The following DCUN1D4 variants were observed in gnomAD, a reference collection of about 807,000 sequenced individuals.
DCUN1D4 encodes the protein DCN1-like protein 4.
Under a neutral mutation model 47.9 loss-of-function variants are expected in DCUN1D4, and 22 were observed. The observed-to-expected ratio is 0.46, with a 90% CI of 0.33 to 0.66. DCUN1D4 has a LOEUF of 0.66. Among genes scored for constraint, DCUN1D4 ranks in the 30% least tolerant of loss-of-function variants. The pLI is 0.02. For missense variants in DCUN1D4, 301 were observed against 340.8 expected (o/e 0.88, Z 0.92); for synonymous variants, 121 against 112.2 (o/e 1.08, Z -0.50).
intron 1 of DCUN1D4, among the ~76,000 whole-genome samples, chr4:51,849,261 A>T (rs561319775): frequency 6.6e-6 from 1 of 152,084 alleles, no homozygotes; most frequent in Non-Finnish European, 1.5e-5. Context: ...TTCTGGGGGG[A>T]TGCACAGTGG....
At chr4:51,841,690 T>C (rs903450717), upstream of DCUN1D4, among the ~76,000 whole-genome samples, 17 of 152,202 alleles carry the variant, frequency 1.1e-4, no homozygotes, top group East Asian at 3.3e-3. Context: ...GGAGGGAGCA[T>C]TTTACCATGG....
chr4:51,872,912 A>G (rs1038161039), intron 3 of DCUN1D4, among the ~76,000 whole-genome samples: 1 of 152,232 alleles, frequency 6.6e-6, no homozygotes, highest in Non-Finnish European at 1.5e-5. Context: ...GCTCGGAACC[A>G]ATGTCTTTAT....
At chr4:51,835,190 G>A in the DCUN1D4 span, among the ~76,000 whole-genome samples, 1 of 152,224 alleles carries the variant, frequency 6.6e-6, no homozygotes, top group Non-Finnish European at 1.5e-5. Flanking sequence ...AGCACAGTGA[G>A]TAAAAATACC....
chr4:51,880,783 A>G lies in DCUN1D4; in HGVS notation c.343+2929A>G, dbSNP rs141772790. On this transcript the variant is annotated intron_variant, in intron 5 of 10. Transcript: ENST00000334635. ...AGGATCGGCTGGGAGGTTCAGGGGAAGTGTTTATTTAGACCTTGATCTGAA... is the reference window on the plus strand; with the variant it reads ...AGGATCGGCTGGGAGGTTCAGGGGAGGTGTTTATTTAGACCTTGATCTGAA... Among the ~76,000 whole-genome samples, 99 of 152,202 alleles carry G rather than the reference A, an allele frequency of 6.5e-4. No individual in the cohort carries two copies. The East Asian group carries it at 0.017, about 26-fold the overall frequency.
In DCUN1D4 at chr4:51,870,059, G is replaced by A. The variant is rs565448890; in HGVS notation, c.137-4212G>A. Reference sequence around the variant, plus strand: ...GGATTGATTTCCGATTCACTAAAACGTCAGCCTTAATATCTTGCTTCTACC... The same window carrying A: ...GGATTGATTTCCGATTCACTAAAACATCAGCCTTAATATCTTGCTTCTACC... On this transcript the variant is annotated intron_variant, in intron 3 of 10. Transcript: ENST00000334635. Among the ~76,000 whole-genome samples, 5 of 152,256 alleles carry A rather than the reference G, an allele frequency of 3.3e-5. No homozygotes were observed. The East Asian group carries it at 5.8e-4, about 18-fold the overall frequency.
chr4:51,852,273 G>A (rs1723488415), intron 1 of DCUN1D4, among the ~76,000 whole-genome samples: 1 of 152,160 alleles, frequency 6.6e-6, no homozygotes, highest in Non-Finnish European at 1.5e-5. Context: ...CTTAACTAAT[G>A]AAATAGTCAT....
chr4:51,834,082 C>CTTTTTTTTTTT, the DCUN1D4 span, among the ~76,000 whole-genome samples: 1 of 57,294 alleles, frequency 1.7e-5, no homozygotes, highest in Non-Finnish European at 3.0e-5. Context: ...CTCTCTCTCT[C>CTTTTTTTTTTT]TCTCTTTTCT....
intron 6 of DCUN1D4, chr4:51,886,872 G>A: frequency 6.1e-6 from 3 of 489,062 alleles, no homozygotes; most frequent in Admixed American, 3.3e-5. Context: ...GTATGTAAAA[G>A]GTACAGTAAG....
chr4:51,875,490 C>T (rs1727529322), intron 4 of DCUN1D4, among the ~76,000 whole-genome samples: 1 of 152,094 alleles, frequency 6.6e-6, no homozygotes, highest in African/African-American at 2.4e-5. Flanking sequence ...TCATTCTTGG[C>T]CTTTCTTTTT....
Position 51,894,798 on chromosome 4 carries a change from A to G in DCUN1D4, c.506+2947A>G, listed in dbSNP as rs561191095. Among the ~76,000 whole-genome samples the G allele has an allele frequency of 1.2e-4, 19 of 152,352 alleles. No individual in the cohort carries two copies. The South Asian group carries it at 1.5e-3, about 12-fold the overall frequency. On this transcript the variant is annotated intron_variant, in intron 7 of 10. Transcript: ENST00000334635. ...TCAAACTAGAATTAACAAGTATAGAACAAAATATTTTTATGTATTCATATA... is the reference window on the plus strand; with the variant it reads ...TCAAACTAGAATTAACAAGTATAGAGCAAAATATTTTTATGTATTCATATA...
At chr4:51,843,315 A>T (rs775021452) in intron 1 of DCUN1D4, 48 bp downstream of exon 1, 2 of 1,497,868 alleles carry the variant, frequency 1.3e-6, no homozygotes, top group Admixed American at 2.2e-5. Context: ...GCGGCTGCCA[A>T]ACTCGCCACT....
chr4:51,854,211 A>G (rs746747194), intron 1 of DCUN1D4, among the ~76,000 whole-genome samples: 3 of 152,236 alleles, frequency 2.0e-5, no homozygotes, highest in Non-Finnish European at 4.4e-5. Context: ...GCTAGTGACT[A>G]TCAGTTAGCA....
At chr4:51,860,649 C>T (rs534158214) in intron 1 of DCUN1D4, 21 of 454,860 alleles carry the variant, frequency 4.6e-5, no homozygotes, top group South Asian at 1.7e-4. Context: ...AAAGCAGGAG[C>T]GAGAGAGAGA....
intron 9 of DCUN1D4, 53 bp downstream of exon 9, chr4:51,911,227 A>G: frequency 2.7e-6 from 4 of 1,489,290 alleles, no homozygotes; most frequent in Non-Finnish European, 3.7e-6. Context: ...GAACTACCAA[A>G]TAACTTTATT....
At chr4:51,879,804 C>T (rs1435175036) in intron 5 of DCUN1D4, among the ~76,000 whole-genome samples, 1 of 152,190 alleles carries the variant, frequency 6.6e-6, no homozygotes, top group African/African-American at 2.4e-5. Context: ...ATCACCATAG[C>T]ATAGCTATTC....
chr4:51,869,166 A>T (rs557583524), intron 3 of DCUN1D4, among the ~76,000 whole-genome samples: 7 of 120,386 alleles, frequency 5.8e-5, no homozygotes, highest in Non-Finnish European at 9.6e-5. Flanking sequence ...GAGGACCAAA[A>T]ATAAAAAAAA....
At chr4:51,877,674 T>C in intron 4 of DCUN1D4, 89 bp from the exon 5 acceptor site, 1 of 782,494 alleles carries the variant, frequency 1.3e-6, no homozygotes. Context: ...TGAATAGATG[T>C]CTGGTTTGGG....
At chr4:51,839,964 C>T (rs1322144901), upstream of DCUN1D4, among the ~76,000 whole-genome samples, 1 of 152,052 alleles carries the variant, frequency 6.6e-6, no homozygotes, top group Non-Finnish European at 1.5e-5. Flanking sequence ...TAGGGCATTT[C>T]AAAATATATC....
At chr4:51,845,143 T>C (rs1577810377) in intron 1 of DCUN1D4, 3 of 985,314 alleles carry the variant, frequency 3.0e-6, no homozygotes, top group East Asian at 1.1e-4. Flanking sequence ...AGCAACACAA[T>C]GTAAAGCAGC....
Sources: gnomAD v4.1 joint callset for allele counts (sites outside exome capture counted in the v4.1 genomes callset) on GRCh38, gnomAD v4.1.1 for gene constraint, MANE v1.5 for transcripts, NCBI Gene and HGNC (gene_info 2026-07-23, HGNC 2026-07-21) for gene names.